PDIA6: variants seen among roughly 807,000 people sequenced by gnomAD.
The protein encoded by PDIA6 is protein disulfide isomerase family A member 6.
A neutral mutation model predicts 58.4 loss-of-function variants in PDIA6; 29 were observed. The ratio of observed to expected loss-of-function variants is 0.50; its 90% CI spans 0.37 to 0.68. The LOEUF (loss-of-function observed/expected upper bound fraction) is 0.68. PDIA6 is among the 30% of genes least tolerant of loss of function. The probability of loss-of-function intolerance (pLI) is 0.00; values close to 1 mark genes in which losing one functional copy is unlikely to be tolerated. For missense variants in PDIA6, 480 were observed against 551.0 expected (o/e 0.87, Z 1.29); for synonymous variants, 192 against 202.6 (o/e 0.95, Z 0.44).
intron 1 of PDIA6, among the ~76,000 whole-genome samples, chr2:10,807,209 C>G (rs7594143): frequency 1.2e-4 from 18 of 152,258 alleles, no homozygotes; most frequent in African/African-American, 4.1e-4. Context: ...GAAATAAATA[C>G]ACTTTTTAAT....
At chr2:10,829,572 G>A (rs1391621008) in intron 1 of PDIA6, among the ~76,000 whole-genome samples, 1 of 152,186 alleles carries the variant, frequency 6.6e-6, no homozygotes, top group East Asian at 1.9e-4. Context: ...CAATTTTTCT[G>A]CCTTTCACTG....
intron 11 of PDIA6, among the ~76,000 whole-genome samples, chr2:10,786,325 G>GGGGA (rs11426589): frequency 6.6e-6 from 1 of 151,118 alleles, no homozygotes; most frequent in African/African-American, 2.4e-5. Flanking sequence ...GGGTGGGGGG[G>GGGGA]AAAGAAAACA....
chr2:10,797,065 T>C lies in PDIA6; in HGVS notation c.346+16A>G, dbSNP rs748522935. On this transcript the variant is annotated intron_variant, in intron 4 of 12. Transcript: ENST00000272227. ...TTGTCTACCAGGGGAATGAAGTAGC[T>C]AGGAAAAGTCCTTACCTTGGTAATC... is the stretch of plus-strand genomic sequence containing the variant. 2 of 1,611,390 alleles carry C rather than the reference T, an allele frequency of 1.2e-6. No homozygotes were observed. Among genetic ancestry groups the C allele is most frequent in the Non-Finnish European group, 1.7e-6 (2 of 1,178,096 alleles).
intron 1 of PDIA6, among the ~76,000 whole-genome samples, chr2:10,806,632 A>AGAC (rs1345997507): frequency 8.3e-6 from 1 of 121,152 alleles, no homozygotes; most frequent in African/African-American, 2.7e-5. Context: ...TAAAGACAGA[A>AGAC]AGAAAGAAAG....
chr2:10,787,671 G>A (rs1003673265), intron 10 of PDIA6, among the ~76,000 whole-genome samples: 1 of 152,172 alleles, frequency 6.6e-6, no homozygotes, highest in Non-Finnish European at 1.5e-5. Context: ...AACATTTGCT[G>A]GACTAATGGA....
In PDIA6 at chr2:10,791,865, T is replaced by G; in HGVS notation, c.514A>C (p.Lys172Gln). The change falls in exon 6 of 13, where the codon AAG (lysine) becomes CAG (glutamine). Residue 172 changes from lysine to glutamine, a missense_variant. Coordinates refer to ENST00000272227, the MANE Select transcript of PDIA6 (RefSeq NM_005742.4). ...VIELTDDSFD[K>Q]NVLDSEDVWM... ...ACATCTTCACTGTCCAGAACATTCT[T>G]ATCAAAGCTGTCGTCTGTCAGCTCA... 6.2e-7 allele frequency: 1 copy of G among 1,614,162 alleles called. No homozygotes were observed. Among genetic ancestry groups the G allele is most frequent in the South Asian group, 1.1e-5 (1 of 91,082 alleles).
intron 7 of PDIA6, among the ~76,000 whole-genome samples, chr2:10,790,352 T>G (rs529371324): frequency 9.2e-5 from 14 of 152,282 alleles, no homozygotes; most frequent in African/African-American, 3.1e-4. Flanking sequence ...CAATTATCAA[T>G]CAGGGAGTTT....
chr2:10,812,702 G>A lies in PDIA6; in HGVS notation c.-6C>T. 2.0e-6 allele frequency: 3 copies of A among 1,528,096 alleles called. No individual in the cohort carries two copies. The highest frequency in any genetic ancestry group is 1.2e-5 in the South Asian group (1 of 84,158). 94.7% of individuals were successfully genotyped at this position (1,528,096 alleles called of 1,614,324 possible). On this transcript the variant is annotated 5_prime_UTR_variant, in exon 1 of 13. Transcript: ENST00000272227. ...CCGAGCACCAGGAGAGCCATGCCGA[G>A]CGCCGGGCTACGTGCAGTCCCCACC...
At chr2:10,790,861 T>A (rs1337178044) in intron 6 of PDIA6, 28 bp from the exon 7 acceptor site, 1 of 1,555,358 alleles carries the variant, frequency 6.4e-7, no homozygotes, top group Non-Finnish European at 8.9e-7. Flanking sequence ...TTTTGTTTTG[T>A]TTCTTTGAGA....
chr2:10,826,277 C>G (rs1275166863), intron 1 of PDIA6, among the ~76,000 whole-genome samples: 1 of 152,154 alleles, frequency 6.6e-6, no homozygotes, highest in Non-Finnish European at 1.5e-5. Context: ...TCTATAGAGA[C>G]AGAAAGTAGG....
chr2:10,823,115 A>G (rs1483649102), intron 1 of PDIA6: 2 of 152,378 alleles, frequency 1.3e-5, no homozygotes, highest in African/African-American at 4.8e-5. Context: ...GCCTGGACAA[A>G]TCACCTTGCT....
chr2:10,807,571 C>T (rs1188287927), intron 1 of PDIA6, among the ~76,000 whole-genome samples: 1 of 152,176 alleles, frequency 6.6e-6, no homozygotes, highest in East Asian at 1.9e-4. Context: ...TCATTTCTTC[C>T]TTTTAATTTG....
chr2:10,837,297 T>C (rs1315935197), upstream of PDIA6, among the ~76,000 whole-genome samples: 1 of 152,104 alleles, frequency 6.6e-6, no homozygotes, highest in African/African-American at 2.4e-5. Context: ...TACTAAATAT[T>C]CAAGGAGGCG....
intron 1 of PDIA6, among the ~76,000 whole-genome samples, chr2:10,827,300 T>C (rs1468284558): frequency 1.3e-5 from 2 of 152,018 alleles, no homozygotes; most frequent in Non-Finnish European, 2.9e-5. Context: ...TGACCTCAGA[T>C]GATCCGCCCT....
upstream of PDIA6, among the ~76,000 whole-genome samples, chr2:10,836,108 A>G (rs1572716212): frequency 6.6e-6 from 1 of 151,966 alleles, no homozygotes; most frequent in South Asian, 2.1e-4. Context: ...AGATGATCCT[A>G]TTGGCCTCAC....
At position 10,804,199 on chromosome 2, in the gene PDIA6, T is replaced by C. The variant is rs187625459; in HGVS notation, c.20-1559A>G. Reference sequence around the variant, plus strand: ...CTGGGATTACAGGCGTGAGCCACCGTGCCCGGCCCTGTGTCCTAGTTTTTG... The same window carrying C: ...CTGGGATTACAGGCGTGAGCCACCGCGCCCGGCCCTGTGTCCTAGTTTTTG... On this transcript the variant is annotated intron_variant, in intron 1 of 12. Transcript: ENST00000272227. 2.9e-3 allele frequency among the ~76,000 whole-genome samples: 438 copies of C among 152,050 alleles called. 5 individuals are homozygous for C. The highest frequency in any genetic ancestry group is 5.7e-3 in the Admixed American group (87 of 15,270).
At chr2:10,787,957 G>A (rs556797248) in intron 10 of PDIA6, among the ~76,000 whole-genome samples, 23 of 151,570 alleles carry the variant, frequency 1.5e-4, no homozygotes, top group African/African-American at 4.8e-4. Flanking sequence ...TCCCAGCTAC[G>A]CAGGAGGCTA....
Position 10,787,291 on chromosome 2 carries a change from CGTT to C in PDIA6, c.1144_1146del (p.Asn382del). ...AAGAAAACAAATTACCTGAGAAACT[CGTT>C]GATGCCTTGCTCACTGAAGGAGCCT... On this transcript the variant is annotated inframe_deletion, in exon 11 of 13. Coordinates refer to ENST00000272227, the MANE Select transcript of PDIA6 (RefSeq NM_005742.4). 1 of 1,613,804 alleles carries C rather than the reference CGTT, an allele frequency of 6.2e-7. No homozygotes were observed. Among genetic ancestry groups the C allele is most frequent in the South Asian group, 1.1e-5 (1 of 91,056 alleles).
intron 1 of PDIA6, among the ~76,000 whole-genome samples, chr2:10,830,530 C>T (rs1572711404): frequency 2.6e-5 from 4 of 152,314 alleles, no homozygotes; most frequent in South Asian, 4.1e-4. Flanking sequence ...TCCTCCCTGG[C>T]GGCCTGGGGA....
Sources: allele counts gnomAD v4.1 joint callset (sites outside exome capture counted in the v4.1 genomes callset), GRCh38; gene constraint gnomAD v4.1.1; transcripts MANE v1.5; gene names NCBI Gene and HGNC (gene_info 2026-07-23, HGNC 2026-07-21).